Variants in PRKG1 observed in about 807,000 individuals in gnomAD.
PRKG1 encodes protein kinase cGMP-dependent 1.
A neutral mutation model predicts 88.1 loss-of-function variants in PRKG1; 35 were observed. That is an observed-to-expected ratio of 0.40 (90% confidence interval 0.30 to 0.53). The LOEUF (loss-of-function observed/expected upper bound fraction) is 0.53, where lower values mean the gene tolerates loss of function less well. Ranked by LOEUF, PRKG1 falls within the 20% of genes least tolerant of loss-of-function variation. PRKG1 has a pLI of 0.59. For synonymous variants in PRKG1, 303 were observed against 292.5 expected (o/e 1.04, Z -0.37); for missense variants, 540 against 839.8 (o/e 0.64, Z 4.41).
intron 3 of PRKG1, among the ~76,000 whole-genome samples, chr10:51,727,421 A>G (rs931680545): frequency 6.6e-6 from 1 of 152,090 alleles, no homozygotes; most frequent in African/African-American, 2.4e-5. Flanking sequence ...ATCTTCTGAT[A>G]AGTAGAAAGG....
intron 9 of PRKG1, among the ~76,000 whole-genome samples, chr10:52,179,242 A>G (rs1838947219): frequency 6.6e-6 from 1 of 151,556 alleles, no homozygotes; most frequent in Non-Finnish European, 1.5e-5. Flanking sequence ...CAAATGTGTG[A>G]CTTCTGGGAG....
intron 3 of PRKG1, among the ~76,000 whole-genome samples, chr10:51,679,706 T>A (rs1485829737): frequency 1.1e-5 from 1 of 95,104 alleles, no homozygotes; most frequent in Non-Finnish European, 2.4e-5. Context: ...GCAGGGAACT[T>A]TTTTTTTTTT....
intron 7 of PRKG1, among the ~76,000 whole-genome samples, chr10:52,105,594 T>G (rs1342479511): frequency 6.6e-6 from 1 of 152,062 alleles, no homozygotes; most frequent in East Asian, 1.9e-4. Context: ...GCACTTTTAT[T>G]TATTTTTTTT....
At chr10:51,647,626 G>A (rs533181644) in intron 3 of PRKG1, among the ~76,000 whole-genome samples, 2 of 152,280 alleles carry the variant, frequency 1.3e-5, no homozygotes, top group South Asian at 4.1e-4. Flanking sequence ...CTCTAACACA[G>A]TCTCAAAATT....
chr10:51,721,995 G>T (rs1328932000), intron 3 of PRKG1, among the ~76,000 whole-genome samples: 1 of 152,212 alleles, frequency 6.6e-6, no homozygotes, highest in East Asian at 1.9e-4. Flanking sequence ...ACTTTGGGAG[G>T]CTGAGGCAGG....
intron 4 of PRKG1, among the ~76,000 whole-genome samples, chr10:51,891,452 C>A (rs190403605): frequency 6.6e-6 from 1 of 152,180 alleles, no homozygotes; most frequent in Non-Finnish European, 1.5e-5. Flanking sequence ...GACTATATGA[C>A]CTGAGTTAAA....
intron 3 of PRKG1, among the ~76,000 whole-genome samples, chr10:51,541,687 T>C (rs978173890): frequency 3.9e-5 from 6 of 152,134 alleles, no homozygotes; most frequent in African/African-American, 1.4e-4. Context: ...GTTTCTATAG[T>C]ATCCATTCCA....
At chr10:51,586,201 C>T (rs760469136) in intron 3 of PRKG1, among the ~76,000 whole-genome samples, 5 of 151,850 alleles carry the variant, frequency 3.3e-5, no homozygotes, top group African/African-American at 1.2e-4. Context: ...GCCTTGAAAT[C>T]CAAGACAGGA....
chr10:51,252,083 G>C (rs761047000), intron 2 of PRKG1, among the ~76,000 whole-genome samples: 8 of 151,864 alleles, frequency 5.3e-5, no homozygotes, highest in Middle Eastern at 3.4e-3. Context: ...ATGCATGAGT[G>C]TCTTCTCTTT....
chr10:52,116,121 A>T (rs538168562), intron 7 of PRKG1, among the ~76,000 whole-genome samples: 1 of 152,262 alleles, frequency 6.6e-6, no homozygotes, highest in East Asian at 1.9e-4. Flanking sequence ...TGATTGGCTG[A>T]AAGCTCTGCT....
intron 3 of PRKG1, among the ~76,000 whole-genome samples, chr10:51,549,421 CT>C (rs2132125627): frequency 6.6e-6 from 1 of 152,090 alleles, no homozygotes; most frequent in African/African-American, 2.4e-5. Flanking sequence ...CCTGCCTAAA[CT>C]AATATAGAAT....
chr10:51,663,639 C>T (rs1201149531), intron 3 of PRKG1, among the ~76,000 whole-genome samples: 2 of 145,964 alleles, frequency 1.4e-5, no homozygotes, highest in African/African-American at 2.5e-5. Flanking sequence ...ATCACTTGAG[C>T]GCAGAAGTTT....
intron 4 of PRKG1, among the ~76,000 whole-genome samples, chr10:51,831,832 T>C (rs1403374914): frequency 6.6e-6 from 1 of 152,032 alleles, no homozygotes; most frequent in East Asian, 1.9e-4. Context: ...GTTGCAAAGG[T>C]AGGTGGGCAA....
At chr10:51,480,417 T>A (rs1268684900) in intron 3 of PRKG1, among the ~76,000 whole-genome samples, 1 of 152,160 alleles carries the variant, frequency 6.6e-6, no homozygotes, top group Non-Finnish European at 1.5e-5. Context: ...AAGAGTGTAA[T>A]TTAATCATAC....
chr10:51,920,858 A>G (rs899311549), intron 5 of PRKG1, among the ~76,000 whole-genome samples: 2 of 152,182 alleles, frequency 1.3e-5, no homozygotes, highest in Admixed American at 6.5e-5. Context: ...AAAACTGAAC[A>G]GAAAGTAGAG....
At position 51,412,215 on chromosome 10, in the gene PRKG1, A is replaced by AGAGAGAG. The variant is rs1564483266; in HGVS notation, c.479-55508_479-55507insGAGAGAG. Among the ~76,000 whole-genome samples, 160 of 120,208 alleles carry AGAGAGAG rather than the reference A, an allele frequency of 1.3e-3. 1 individual carries two copies. Among genetic ancestry groups the AGAGAGAG allele is most frequent in the African/African-American group, 4.3e-3 (108 of 24,964 alleles). The allele number at this position is 120,208 out of a possible 152,430, so 78.9% of individuals were successfully genotyped here. A position where few individuals can be genotyped will look rare whatever the true frequency, so the allele number is the denominator to read the frequency against. On this transcript the variant is annotated intron_variant, in intron 2 of 17. Coordinates refer to ENST00000373980, the MANE Select transcript of PRKG1 (RefSeq NM_006258.4). ...AGAGAGAGAGAGAGAGAGAGAGAGA[A>AGAGAGAG]AGAAAGAGAGAAAGAATTGTTCAGA...
chr10:51,729,279 A>C (rs899580763), intron 3 of PRKG1, among the ~76,000 whole-genome samples: 6 of 152,236 alleles, frequency 3.9e-5, no homozygotes, highest in Non-Finnish European at 8.8e-5. Context: ...CTAGAATAGC[A>C]TGAAAAAGTT....
At chr10:51,649,028 A>G (rs964267849) in intron 3 of PRKG1, among the ~76,000 whole-genome samples, 4 of 152,242 alleles carry the variant, frequency 2.6e-5, no homozygotes, top group African/African-American at 9.6e-5. Context: ...TCTATAAATA[A>G]ATAAATAAAT....
chr10:51,817,868 C>G (rs1006850657), intron 4 of PRKG1, among the ~76,000 whole-genome samples: 25 of 152,080 alleles, frequency 1.6e-4, no homozygotes, highest in African/African-American at 6.0e-4. Flanking sequence ...CTTTCCTTCT[C>G]TCATTCACAA....
Sources: gnomAD v4.1 joint callset for allele counts (sites outside exome capture counted in the v4.1 genomes callset) on GRCh38, gnomAD v4.1.1 for gene constraint, MANE v1.5 for transcripts, NCBI Gene and HGNC (gene_info 2026-07-23, HGNC 2026-07-21) for gene names.